The following TSBP1 variants were observed in gnomAD, a reference collection of about 807,000 sequenced individuals.
TSBP1 encodes testis expressed basic protein 1, also known as testis-expressed basic protein 1.
TSBP1 carries 56 observed loss-of-function variants against 68.8 expected under a neutral mutation model. The ratio of observed to expected loss-of-function variants is 0.81; its 90% CI spans 0.66 to 1.02. The LOEUF (loss-of-function observed/expected upper bound fraction) is 1.02. TSBP1 is among the 50% of genes least tolerant of loss of function. The pLI, the probability that TSBP1 is intolerant of heterozygous loss-of-function variation, is 0.00. For missense variants in TSBP1, 502 were observed against 641.2 expected (o/e 0.78, Z 2.34); for synonymous variants, 171 against 208.7 (o/e 0.82, Z 1.56).
In TSBP1 at chr6:32,319,931, CT is replaced by C. The variant is rs547206971; in HGVS notation, c.559+3185del. Among the ~76,000 whole-genome samples, 636 of 151,846 alleles carry C rather than the reference CT, an allele frequency of 4.2e-3. 5 individuals carry two copies. The highest frequency in any genetic ancestry group is 0.014 in the African/African-American group (576 of 41,398). On this transcript the variant is annotated intron_variant, in intron 18 of 22. Coordinates refer to ENST00000612031, the Ensembl canonical transcript of TSBP1. ...GCATTAATATCTTTGAAGACTTTTT[CT>C]TTTTTTTCCTTTAGTGTTTGACTTG... is the stretch of plus-strand genomic sequence containing the variant.
intron 2 of TSBP1, among the ~76,000 whole-genome samples, chr6:32,369,649 G>A (rs530425899): frequency 2.7e-4 from 41 of 150,396 alleles, no homozygotes; most frequent in Admixed American, 9.9e-4. Context: ...GATTACAGGC[G>A]TGAGCCACCG....
At chr6:32,329,790 A>G (rs372398417) in intron 16 of TSBP1, among the ~76,000 whole-genome samples, 40 of 152,174 alleles carry the variant, frequency 2.6e-4, no homozygotes, top group African/African-American at 8.4e-4. Context: ...TTCCTGCTTG[A>G]CTTAAACTTT....
chr6:32,347,385 G>T (rs1771163276), intron 9 of TSBP1, among the ~76,000 whole-genome samples: 2 of 131,254 alleles, frequency 1.5e-5, no homozygotes, highest in Admixed American at 7.7e-5. Flanking sequence ...TGTGATGTCT[G>T]GTTTTTTGTA....
chr6:32,294,017 A>T lies in TSBP1; in HGVS notation c.656T>A (p.Met219Lys), dbSNP rs558302720. Residue 219 changes from methionine (M) to lysine (K), a missense_variant, in exon 23 of 23, where the codon ATG (methionine) becomes AAG (lysine). Met to Lys is a moderately conservative substitution (Grantham distance 95, BLOSUM62 -1). Coordinates refer to ENST00000612031, the Ensembl canonical transcript of TSBP1. ...AGATTTTTTTGCAAGTTCTTCATCC[A>T]TGTAACCTGTTAATATAACTGAGCA... is the stretch of plus-strand genomic sequence containing the variant. 3.1e-6 allele frequency: 5 copies of T among 1,610,046 alleles called. No individual in the cohort carries two copies. The East Asian group carries it at 1.1e-4, about 36-fold the overall frequency.
chr6:32,326,639 G>GA (rs1768250353), intron 16 of TSBP1, among the ~76,000 whole-genome samples: 1 of 152,346 alleles, frequency 6.6e-6, no homozygotes, highest in African/African-American at 2.4e-5. Flanking sequence ...CTCATGAAGG[G>GA]AAATGGTCAA....
chr6:32,299,774 G>A, intron 22 of TSBP1, 148 bp downstream of exon 25: 1 of 681,440 alleles, frequency 1.5e-6, no homozygotes, highest in Non-Finnish European at 2.6e-6. Flanking sequence ...TGGAGGGCGG[G>A]GGGGAACCTT....
At chr6:32,330,675 CT>C in intron 15 of TSBP1, 66 bp from the exon 17 acceptor site, 4 of 1,428,562 alleles carry the variant, frequency 2.8e-6, no homozygotes, top group Non-Finnish European at 3.8e-6. Context: ...CACACACACA[CT>C]TCTATTTTTT....
Position 32,293,718 on chromosome 6 carries a change from G to A in TSBP1, c.955C>T (p.Gln319Ter). 1 of 1,613,006 alleles carries A rather than the reference G, an allele frequency of 6.2e-7. No individual in the cohort carries two copies. The highest frequency in any genetic ancestry group is 1.3e-5 in the African/African-American group (1 of 75,038). ...ACACTTTTCTTTATTTGGGCTCCCT[G>A]TCCTTGTGGTATACTCATCTCACTG... The change falls in exon 23 of 23, where the codon CAG becomes TAG. Residue 319 changes from glutamine to a stop codon, truncating the protein, a stop_gained. Transcript: ENST00000612031. LOFTEE classifies it low-confidence loss of function (END_TRUNC).
intron 20 of TSBP1, among the ~76,000 whole-genome samples, chr6:32,301,951 A>G (rs1432998308): frequency 9.1e-6 from 1 of 109,516 alleles, no homozygotes; most frequent in African/African-American, 3.7e-5. Context: ...ACATATTTAA[A>G]TAGTTGAAAT....
intron 19 of TSBP1, among the ~76,000 whole-genome samples, chr6:32,308,266 T>C (rs1360598105): frequency 1.3e-5 from 2 of 151,956 alleles, no homozygotes; most frequent in Non-Finnish European, 2.9e-5. Flanking sequence ...TAATCTACTA[T>C]TGTATAATAT....
chr6:32,335,574 G>T lies in TSBP1; in HGVS notation c.452-117C>A. 1.2e-6 allele frequency: 1 copy of T among 855,762 alleles called. No individual in the cohort carries two copies. The highest frequency in any genetic ancestry group is 1.6e-6 in the Non-Finnish European group (1 of 629,788). The allele number at this position is 855,762 out of a possible 1,614,324, so 53.0% of individuals were successfully genotyped here. The stretch of plus-strand genomic sequence containing the variant: ...TAGGAATCTGCATCACTATTGTCAA[G>T]TTCAGCTGCAGTTGAGTAGTAGAAA... On this transcript the variant is annotated intron_variant, in intron 13 of 22. Transcript: ENST00000612031. The surrounding 1 kb of genome is among the most constrained non-coding windows in gnomAD (Gnocchi z 5.5).
At position 32,358,588 on chromosome 6, in the gene TSBP1, C is replaced by T. The variant is rs555751547; in HGVS notation, c.218-2919G>A. 1.2e-4 allele frequency among the ~76,000 whole-genome samples: 19 copies of T among 152,070 alleles called. No homozygotes were observed. In the East Asian group the frequency reaches 3.3e-3, roughly 26 times the overall value. Reference sequence around the variant, plus strand: ...GCTCCCCTCACCCCACAACAGGCCCCGGTGTGTGATGTTCCCCTTCCTGTG... The same window carrying T: ...GCTCCCCTCACCCCACAACAGGCCCTGGTGTGTGATGTTCCCCTTCCTGTG... On this transcript the variant is annotated intron_variant, in intron 6 of 22. Transcript: ENST00000612031.
chr6:32,346,020 T>TATAA lies in TSBP1; in HGVS notation c.349+3719_349+3720insTTAT, dbSNP rs1416295572. Among the ~76,000 whole-genome samples, 44 of 48,230 alleles carry TATAA rather than the reference T, an allele frequency of 9.1e-4. 3 individuals carry two copies. The highest frequency in any genetic ancestry group is 0.02 in the Middle Eastern group (2 of 98). 31.6% of individuals were successfully genotyped at this position (48,230 alleles called of 152,430 possible). A position where few individuals can be genotyped will look rare whatever the true frequency, so the allele number is the denominator to read the frequency against. Reference sequence around the variant, plus strand: ...ATATCCTCATTTTTTTTTTTTTTTTTTTTTTGAGACGGAGTCTCGCTCTGT... The same window carrying TATAA: ...ATATCCTCATTTTTTTTTTTTTTTTTATAATTTTTGAGACGGAGTCTCGCTCTGT... On this transcript the variant is annotated intron_variant, in intron 9 of 22. Coordinates refer to ENST00000612031, the Ensembl canonical transcript of TSBP1.
chr6:32,363,100 C>T (rs1773251028), intron 6 of TSBP1, among the ~76,000 whole-genome samples: 1 of 151,984 alleles, frequency 6.6e-6, no homozygotes, highest in South Asian at 2.1e-4. Flanking sequence ...GATGAATTAG[C>T]CCTTTATAAT....
intron 19 of TSBP1, among the ~76,000 whole-genome samples, chr6:32,313,445 CTT>C (rs1488613486): frequency 2.0e-5 from 3 of 152,076 alleles, no homozygotes; most frequent in Admixed American, 6.6e-5. Flanking sequence ...TCTTTGAAGA[CTT>C]TTTCTTTTTT....
At chr6:32,342,228 G>A (rs1273383422) in intron 9 of TSBP1, among the ~76,000 whole-genome samples, 1 of 149,840 alleles carries the variant, frequency 6.7e-6, no homozygotes, top group Non-Finnish European at 1.5e-5. Context: ...GCAGTGTTGC[G>A]ATCCTGGCTC....
At chr6:32,305,945 CA>C (rs1474962602) in intron 19 of TSBP1, among the ~76,000 whole-genome samples, 1 of 152,180 alleles carries the variant, frequency 6.6e-6, no homozygotes, top group Non-Finnish European at 1.5e-5. Context: ...AGAGACATAG[CA>C]GGAGTTTAAG....
intron 19 of TSBP1, among the ~76,000 whole-genome samples, chr6:32,305,723 T>C (rs1415121767): frequency 6.6e-6 from 1 of 152,192 alleles, no homozygotes; most frequent in African/African-American, 2.4e-5. Flanking sequence ...CTCGAACTCC[T>C]GACCTCAGGC....
At chr6:32,305,045 T>C (rs1352351936) in intron 19 of TSBP1, among the ~76,000 whole-genome samples, 7 of 152,214 alleles carry the variant, frequency 4.6e-5, no homozygotes, top group African/African-American at 7.2e-5. Flanking sequence ...CAGCACTGAC[T>C]GAGTGGTTAA....
Sources: gnomAD v4.1 joint callset for allele counts (sites outside exome capture counted in the v4.1 genomes callset) on GRCh38, gnomAD v4.1.1 for gene constraint, Gnocchi (gnomAD v3.1) non-coding constraint, MANE v1.5 for transcripts, NCBI Gene and HGNC (gene_info 2026-07-23, HGNC 2026-07-21) for gene names.